The following MAP2 variants were observed in gnomAD, a reference collection of about 807,000 sequenced individuals.
The protein encoded by MAP2 is microtubule associated protein 2, also known as microtubule-associated protein 2.
MAP2 carries 14 observed loss-of-function variants against 137.6 expected under a neutral mutation model. That is an observed-to-expected ratio of 0.10 (90% confidence interval 0.07 to 0.16). MAP2 has a LOEUF of 0.16. Among genes scored for constraint, MAP2 ranks in the 10% least tolerant of loss-of-function variants. MAP2 has a pLI of 1.00. For missense variants in MAP2, 2,088 were observed against 2,191.5 expected (o/e 0.95, Z 0.94); for synonymous variants, 786 against 782.3 (o/e 1.00, Z -0.08).
intron 2 of MAP2, among the ~76,000 whole-genome samples, chr2:209,511,801 G>C (rs1203845869): frequency 6.6e-6 from 1 of 151,968 alleles, no homozygotes; most frequent in Non-Finnish European, 1.5e-5. Context: ...CAAACTCCTG[G>C]CTTAAAGCGA....
chr2:209,696,887 G>T, intron 9 of MAP2, 30 bp from the exon 10 acceptor site: 1 of 1,580,118 alleles, frequency 6.3e-7, no homozygotes, highest in Admixed American at 2.0e-5. Context: ...TTTTCCTGAT[G>T]GTATGCTTTT....
rs1399571895 is a variant in MAP2, at chr2:209,543,884, T to C, written c.-171-36152T>C. Reference sequence around the variant, plus strand: ...AAACAATTGTGTCATAAATCCATGATGTCTGTCTCTCTAAAAGTTTTCGTT... The same window carrying C: ...AAACAATTGTGTCATAAATCCATGACGTCTGTCTCTCTAAAAGTTTTCGTT... On this transcript the variant is annotated intron_variant, in intron 2 of 15. Coordinates refer to ENST00000682079, the MANE Select transcript of MAP2 (RefSeq NM_001375505.1). 5.3e-5 allele frequency among the ~76,000 whole-genome samples: 8 copies of C among 152,318 alleles called. No homozygotes were observed. The South Asian group carries it at 1.4e-3, about 28-fold the overall frequency.
intron 3 of MAP2, among the ~76,000 whole-genome samples, chr2:209,612,564 G>A (rs1321637147): frequency 1.3e-5 from 2 of 152,160 alleles, no homozygotes; most frequent in African/African-American, 2.4e-5. Context: ...AGCTGAGTTT[G>A]TCAGCTGCCA....
At chr2:209,624,528 A>G (rs527976064) in intron 3 of MAP2, among the ~76,000 whole-genome samples, 1 of 152,298 alleles carries the variant, frequency 6.6e-6, no homozygotes, top group African/African-American at 2.4e-5. Flanking sequence ...CTAATCCAGA[A>G]TGACATTTAG....
chr2:209,720,378 C>T (rs2069861105), intron 13 of MAP2, among the ~76,000 whole-genome samples: 1 of 152,092 alleles, frequency 6.6e-6, no homozygotes, highest in African/African-American at 2.4e-5. Context: ...GTGGCTCACG[C>T]CTGTAATCCC....
chr2:209,695,434 A>G lies in MAP2; in HGVS notation c.3264A>G (p.Ala1088=). The G allele has an allele frequency of 6.2e-7, 1 of 1,613,742 alleles. No homozygotes were observed. The highest frequency in any genetic ancestry group is 8.5e-7 in the Non-Finnish European group (1 of 1,179,858). The change falls in exon 8 of 16, where the codon GCA becomes GCG. Residue 1088 remains alanine, a synonymous_variant. Coordinates refer to ENST00000682079, the MANE Select transcript of MAP2 (RefSeq NM_001375505.1). ...MTPSSKAPQE[A]DAFMGVESGH... ...CCTCATCCAAAGCACCGCAGGAGGC[A>G]GATGCATTTATGGGTGTTGAGTCTG... is the stretch of plus-strand genomic sequence containing the variant.
At chr2:209,553,956 C>T (rs2069853706) in intron 2 of MAP2, among the ~76,000 whole-genome samples, 1 of 152,166 alleles carries the variant, frequency 6.6e-6, no homozygotes, top group Non-Finnish European at 1.5e-5. Flanking sequence ...CGTGATGTCA[C>T]TGACCACAGA....
At chr2:209,625,190 C>A (rs182490100) in intron 4 of MAP2, 61 bp downstream of exon 4, 2 of 152,112 alleles carry the variant, frequency 1.3e-5, no homozygotes, top group Non-Finnish European at 2.9e-5. Context: ...TCTTTGCTAA[C>A]CTTTTGTTTT....
At chr2:209,447,820 C>A (rs1267733146) in intron 1 of MAP2, among the ~76,000 whole-genome samples, 7 of 152,086 alleles carry the variant, frequency 4.6e-5, no homozygotes, top group African/African-American at 1.7e-4. Context: ...ACTCCATGCC[C>A]TAGCTAAAAG....
At chr2:209,612,851 T>A (rs2087461780) in intron 3 of MAP2, among the ~76,000 whole-genome samples, 1 of 152,182 alleles carries the variant, frequency 6.6e-6, no homozygotes, top group South Asian at 2.1e-4. Flanking sequence ...ATGCTATAAC[T>A]TCCTTTGGAT....
At position 209,513,251 on chromosome 2, in the gene MAP2, A is replaced by G. The variant is rs374884037; in HGVS notation, c.-172+5610A>G. Among the ~76,000 whole-genome samples the G allele has an allele frequency of 1.1e-4, 16 of 152,228 alleles. No individual in the cohort carries two copies. In the East Asian group the frequency reaches 1.5e-3, roughly 15 times the overall value. ...TCCAGTACCTTCTCAGGGAGACGCT[A>G]TATTTCTCTTCCAACTTGCTTCATG... On this transcript the variant is annotated intron_variant, in intron 2 of 15. Transcript: ENST00000682079.
At chr2:209,482,196 A>T (rs1448554708) in intron 1 of MAP2, among the ~76,000 whole-genome samples, 1 of 152,216 alleles carries the variant, frequency 6.6e-6, no homozygotes, top group Non-Finnish European at 1.5e-5. Flanking sequence ...TAGCTCTCTT[A>T]CTAAATAGTA....
At chr2:209,562,778 TG>T (rs2072475848) in intron 2 of MAP2, among the ~76,000 whole-genome samples, 2 of 151,936 alleles carry the variant, frequency 1.3e-5, no homozygotes, top group African/African-American at 4.8e-5. Context: ...AGCCCAGCGG[TG>T]ATTGCACACC....
intron 10 of MAP2, among the ~76,000 whole-genome samples, chr2:209,699,549 A>T (rs562742217): frequency 6.6e-6 from 1 of 152,310 alleles, no homozygotes; most frequent in African/African-American, 2.4e-5. Context: ...TTAAAATTGA[A>T]TCCAGAAGCA....
At chr2:209,654,375 T>C (rs1193949033) in intron 5 of MAP2, among the ~76,000 whole-genome samples, 6 of 152,326 alleles carry the variant, frequency 3.9e-5, no homozygotes, top group East Asian at 1.9e-4. Context: ...GTGTCCAACC[T>C]GATTCCAGGG....
chr2:209,593,634 A>AAAAAATATAT (rs1286103137), intron 3 of MAP2, among the ~76,000 whole-genome samples: 2 of 33,640 alleles, frequency 5.9e-5, no homozygotes, highest in Non-Finnish European at 9.8e-5. Flanking sequence ...AAAAAAAAAA[A>AAAAAATATAT]ATATATATAT....
At chr2:209,598,395 ATACTTTTTTTAAAATTTAT>A (rs1351526333) in intron 3 of MAP2, among the ~76,000 whole-genome samples, 1 of 151,716 alleles carries the variant, frequency 6.6e-6, no homozygotes, top group Non-Finnish European at 1.5e-5. Context: ...CGACTAACTG[ATACTTTTTTTAAAATTTAT>A]TTATTTTATT....
At chr2:209,532,091 T>C in intron 2 of MAP2, among the ~76,000 whole-genome samples, 1 of 151,706 alleles carries the variant, frequency 6.6e-6, no homozygotes, top group East Asian at 1.9e-4. Context: ...CTAAAAAAAT[T>C]AGCTAGGCAT....
At chr2:209,728,220 G>T (rs976272292) in intron 14 of MAP2, among the ~76,000 whole-genome samples, 2 of 152,018 alleles carry the variant, frequency 1.3e-5, no homozygotes, top group Non-Finnish European at 2.9e-5. Context: ...TTCTATCAGA[G>T]GCTACCAAAA....
Sources: allele counts gnomAD v4.1 joint callset (sites outside exome capture counted in the v4.1 genomes callset), GRCh38; gene constraint gnomAD v4.1.1; transcripts MANE v1.5; gene names NCBI Gene and HGNC (gene_info 2026-07-23, HGNC 2026-07-21).